Variants in PABPC4L observed in about 807,000 individuals in gnomAD.
PABPC4L encodes poly(A) binding protein cytoplasmic 4 like.
For synonymous variants in PABPC4L, 169 were observed against 164.1 expected (o/e 1.03, Z -0.23); for missense variants, 452 against 451.4 (o/e 1.00, Z -0.01).
chr4:134,049,202 C>T, the PABPC4L span, among the ~76,000 whole-genome samples: 85 of 152,056 alleles, frequency 5.6e-4, no homozygotes, highest in Admixed American at 4.7e-3. Flanking sequence ...ATATTTTTGT[C>T]ATCAAATTTA....
the PABPC4L span, among the ~76,000 whole-genome samples, chr4:134,013,886 C>T: frequency 1.3e-5 from 2 of 150,948 alleles, no homozygotes; most frequent in Non-Finnish European, 3.0e-5. Context: ...CCCTATAATC[C>T]TTTTATCACC....
chr4:133,963,490 G>T, the PABPC4L span, among the ~76,000 whole-genome samples: 1 of 151,982 alleles, frequency 6.6e-6, no homozygotes, highest in Non-Finnish European at 1.5e-5. Context: ...GGAATGAATG[G>T]ACTTAAGAGA....
the PABPC4L span, among the ~76,000 whole-genome samples, chr4:134,137,605 C>A: frequency 5.9e-5 from 9 of 151,776 alleles, no homozygotes; most frequent in South Asian, 2.1e-4. Context: ...AAATTCAAAA[C>A]CCTGGAGTTC....
chr4:134,000,878 C>CTTGTTTT, the PABPC4L span, among the ~76,000 whole-genome samples: 1 of 152,080 alleles, frequency 6.6e-6, no homozygotes, highest in Non-Finnish European at 1.5e-5. Context: ...CAGGCCTTCA[C>CTTGTTTT]CCTACACCAC....
At chr4:134,112,807 G>C in the PABPC4L span, among the ~76,000 whole-genome samples, 4 of 151,788 alleles carry the variant, frequency 2.6e-5, no homozygotes. Flanking sequence ...TTTTGCTATA[G>C]TATAAATCAC....
chr4:134,097,967 T>G, the PABPC4L span, among the ~76,000 whole-genome samples: 2 of 151,926 alleles, frequency 1.3e-5, no homozygotes, highest in Admixed American at 6.6e-5. Flanking sequence ...TTGTTTATCC[T>G]GATAGGGAAA....
chr4:134,090,350 AT>A, the PABPC4L span, among the ~76,000 whole-genome samples: 10 of 152,060 alleles, frequency 6.6e-5, no homozygotes, highest in East Asian at 5.8e-4. Context: ...TAATAGTTTC[AT>A]TTTTTTTAAA....
chr4:133,952,452 T>G, the PABPC4L span, among the ~76,000 whole-genome samples: 436 of 152,222 alleles, frequency 2.9e-3, 1 homozygote, highest in Middle Eastern at 0.017. Flanking sequence ...ATCCCTTAGA[T>G]TTTGCACTAA....
chr4:134,189,591 T>C, the PABPC4L span, among the ~76,000 whole-genome samples: 1 of 152,016 alleles, frequency 6.6e-6, no homozygotes, highest in Non-Finnish European at 1.5e-5. Flanking sequence ...GTATTCTTTT[T>C]ACACACACAT....
chr4:134,019,618 T>G, the PABPC4L span, among the ~76,000 whole-genome samples: 79 of 152,256 alleles, frequency 5.2e-4, no homozygotes, highest in African/African-American at 1.9e-3. Context: ...TACAAAAACA[T>G]ATTAATAATT....
the PABPC4L span, among the ~76,000 whole-genome samples, chr4:133,998,814 C>T: frequency 6.6e-6 from 1 of 151,596 alleles, no homozygotes; most frequent in Non-Finnish European, 1.5e-5. Context: ...GGATCTTTCC[C>T]CCTAGTTTAA....
At chr4:133,993,009 G>C in the PABPC4L span, among the ~76,000 whole-genome samples, 1,976 of 152,192 alleles carry the variant, frequency 0.013, 44 homozygotes, top group African/African-American at 0.046. Context: ...GAGGGCCTGA[G>C]GGGGTGTGAA....
the PABPC4L span, among the ~76,000 whole-genome samples, chr4:134,044,280 T>A: frequency 2.0e-5 from 3 of 151,736 alleles, no homozygotes; most frequent in Non-Finnish European, 2.9e-5. Flanking sequence ...TATTATTATT[T>A]TTTGAGAGAG....
the PABPC4L span, among the ~76,000 whole-genome samples, chr4:134,174,174 C>T: frequency 6.6e-6 from 1 of 151,940 alleles, no homozygotes; most frequent in Non-Finnish European, 1.5e-5. Context: ...ACATGTTCCA[C>T]TTCCATATCT....
the PABPC4L span, among the ~76,000 whole-genome samples, chr4:134,027,793 T>A: frequency 6.6e-6 from 1 of 152,124 alleles, no homozygotes; most frequent in Non-Finnish European, 1.5e-5. Flanking sequence ...AATTGTCAAT[T>A]TACAATCTTT....
chr4:134,112,608 ATCTATC>A, the PABPC4L span, among the ~76,000 whole-genome samples: 2 of 150,450 alleles, frequency 1.3e-5, no homozygotes, highest in African/African-American at 2.5e-5. Flanking sequence ...CTATCTATCT[ATCTATC>A]TATATATCTA....
At chr4:134,103,817 G>A in the PABPC4L span, among the ~76,000 whole-genome samples, 2 of 151,746 alleles carry the variant, frequency 1.3e-5, no homozygotes, top group Admixed American at 1.3e-4. Context: ...GTGTGTGAAT[G>A]TACATGGAGG....
intron 1 of PABPC4L, 35 bp from the exon 2 acceptor site, chr4:134,201,280 A>T: frequency 1.4e-6 from 2 of 1,455,390 alleles, no homozygotes; most frequent in South Asian, 2.5e-5. Flanking sequence ...TTAGGACAAG[A>T]CGTTCCTTCC....
the PABPC4L span, among the ~76,000 whole-genome samples, chr4:134,074,647 C>G: frequency 7.2e-5 from 11 of 152,250 alleles, no homozygotes; most frequent in Admixed American, 2.0e-4. Flanking sequence ...ATACCCAACA[C>G]TGGGTAATTT....
Sources: gnomAD v4.1 joint callset for allele counts (sites outside exome capture counted in the v4.1 genomes callset) on GRCh38, gnomAD v4.1.1 for gene constraint, MANE v1.5 for transcripts, NCBI Gene and HGNC (gene_info 2026-07-23, HGNC 2026-07-21) for gene names.